The following RASA1 variants were observed in gnomAD, a reference collection of about 807,000 sequenced individuals.
The protein encoded by RASA1 is RAS p21 protein activator 1.
RASA1 carries 25 observed loss-of-function variants against 132.2 expected under a neutral mutation model. That is an observed-to-expected ratio of 0.19 (90% CI 0.14 to 0.26). The LOEUF (loss-of-function observed/expected upper bound fraction) is 0.26. Among genes scored for constraint, RASA1 ranks in the 10% least tolerant of loss-of-function variants. RASA1 has a pLI of 1.00. For synonymous variants in RASA1, 477 were observed against 449.9 expected (o/e 1.06, Z -0.76); for missense variants, 964 against 1,299.2 (o/e 0.74, Z 3.97).
At chr5:87,351,783 G>A (rs952439666) in intron 8 of RASA1, among the ~76,000 whole-genome samples, 3 of 151,646 alleles carry the variant, frequency 2.0e-5, no homozygotes, top group African/African-American at 7.2e-5. Flanking sequence ...TATCTGATTG[G>A]TTGCCACACA....
At chr5:87,308,199 A>G (rs1380756433) in intron 1 of RASA1, among the ~76,000 whole-genome samples, 2 of 151,794 alleles carry the variant, frequency 1.3e-5, no homozygotes, top group African/African-American at 4.8e-5. Flanking sequence ...CTGAGAATTC[A>G]TGCAAAAGAC....
intron 8 of RASA1, among the ~76,000 whole-genome samples, chr5:87,351,164 C>T (rs1355216757): frequency 2.0e-5 from 3 of 150,652 alleles, no homozygotes; most frequent in Non-Finnish European, 4.4e-5. Flanking sequence ...CTTTAATGTT[C>T]CTATATTCAG....
intron 22 of RASA1, among the ~76,000 whole-genome samples, chr5:87,385,851 A>G (rs141516104): frequency 1.3e-5 from 2 of 152,050 alleles, no homozygotes; most frequent in Non-Finnish European, 2.9e-5. Flanking sequence ...TTCTTGCCAT[A>G]TGTGGAAATA....
At chr5:87,374,717 G>A (rs1431605585) in intron 14 of RASA1, 123 bp from the exon 15 acceptor site, 1 of 1,392,826 alleles carries the variant, frequency 7.2e-7, no homozygotes, top group South Asian at 1.3e-5. Flanking sequence ...CTGGTTTTAG[G>A]TCTAGCACAC....
chr5:87,383,170 C>T (rs1403566677), intron 20 of RASA1, among the ~76,000 whole-genome samples: 3 of 152,112 alleles, frequency 2.0e-5, no homozygotes, highest in African/African-American at 7.2e-5. Flanking sequence ...ATCAATAAGT[C>T]ACTTTTTCTC....
intron 7 of RASA1, among the ~76,000 whole-genome samples, chr5:87,347,985 G>T (rs1017170738): frequency 5.9e-5 from 9 of 151,914 alleles, no homozygotes; most frequent in African/African-American, 1.9e-4. Flanking sequence ...GCTCTTTTGA[G>T]GATCTGGTGG....
intron 1 of RASA1, among the ~76,000 whole-genome samples, chr5:87,318,016 A>T (rs1756480203): frequency 1.3e-5 from 2 of 151,954 alleles, no homozygotes; most frequent in Admixed American, 6.6e-5. Context: ...TTTATAATAG[A>T]TAGTTGTAAT....
At chr5:87,339,590 C>G (rs1164852504) in intron 5 of RASA1, among the ~76,000 whole-genome samples, 1 of 151,902 alleles carries the variant, frequency 6.6e-6, no homozygotes, top group African/African-American at 2.4e-5. Flanking sequence ...AACAAGATAA[C>G]CTTTAAAGAA....
chr5:87,331,604 TAGAG>T, intron 2 of RASA1, 104 bp downstream of exon 2: 1 of 1,256,274 alleles, frequency 8.0e-7, no homozygotes, highest in Non-Finnish European at 1.1e-6. Context: ...TAACAAATAA[TAGAG>T]AAGGAAGCTT....
intron 1 of RASA1, among the ~76,000 whole-genome samples, chr5:87,308,306 T>A (rs757115623): frequency 3.3e-5 from 5 of 151,996 alleles, no homozygotes; most frequent in Non-Finnish European, 7.4e-5. Context: ...AGTGGCAGAG[T>A]GGCTGCTGAA....
chr5:87,303,822 T>C (rs530084853), intron 1 of RASA1, among the ~76,000 whole-genome samples: 1 of 151,764 alleles, frequency 6.6e-6, no homozygotes, highest in South Asian at 2.1e-4. Context: ...ATGTCTGTTA[T>C]CTTTGATACT....
chr5:87,365,861 T>C (rs770173289), intron 11 of RASA1, among the ~76,000 whole-genome samples: 4 of 152,114 alleles, frequency 2.6e-5, no homozygotes, highest in Non-Finnish European at 4.4e-5. Flanking sequence ...CATTTAAAGA[T>C]TTTATGTCAA....
intron 6 of RASA1, among the ~76,000 whole-genome samples, chr5:87,344,171 TAA>T (rs1465682954): frequency 1.3e-5 from 2 of 152,060 alleles, no homozygotes; most frequent in East Asian, 3.9e-4. Context: ...TAAAAATAAC[TAA>T]AAGAGTGGAA....
At chr5:87,311,656 C>T (rs1212096076) in intron 1 of RASA1, among the ~76,000 whole-genome samples, 2 of 152,142 alleles carry the variant, frequency 1.3e-5, no homozygotes, top group African/African-American at 4.8e-5. Flanking sequence ...CAACACGTGT[C>T]AAGTATTGCC....
chr5:87,385,436 T>G, intron 22 of RASA1, 47 bp downstream of exon 22: 1 of 1,387,212 alleles, frequency 7.2e-7, no homozygotes, highest in Non-Finnish European at 1.0e-6. Flanking sequence ...AATGCAAGTT[T>G]GACATGATAA....
At chr5:87,381,216 A>C (rs1761691270) in intron 20 of RASA1, among the ~76,000 whole-genome samples, 1 of 152,176 alleles carries the variant, frequency 6.6e-6, no homozygotes, top group Admixed American at 6.5e-5. Context: ...TCCAATGAAG[A>C]AGCAGATCTG....
At chr5:87,309,036 T>TTA (rs1441784797) in intron 1 of RASA1, among the ~76,000 whole-genome samples, 2 of 152,130 alleles carry the variant, frequency 1.3e-5, no homozygotes, top group Non-Finnish European at 2.9e-5. Flanking sequence ...ATACAACATA[T>TTA]TAAAAAAGGT....
At chr5:87,362,817 C>T in intron 10 of RASA1, 146 bp downstream of exon 10, 1 of 897,426 alleles carries the variant, frequency 1.1e-6, no homozygotes, top group Non-Finnish European at 1.7e-6. Flanking sequence ...AAGCATTCTT[C>T]AAAATTTAGA....
At position 87,267,925 on chromosome 5, in the gene RASA1, C is replaced by T. The variant is rs575395350; in HGVS notation, c.-527C>T. The T allele has an allele frequency of 1.5e-5, 6 of 393,420 alleles. No homozygotes were observed. Among genetic ancestry groups the T allele is most frequent in the Non-Finnish European group, 2.7e-5 (6 of 224,174 alleles). 24.4% of individuals were successfully genotyped at this position (393,420 alleles called of 1,614,324 possible). ...GGTAGTGAGCAGTTCAGTCGATTTC[C>T]TCGTTACCCCGCCCCCCTTTCTCTT... On this transcript the variant is annotated 5_prime_UTR_variant, in exon 1 of 25. Transcript: ENST00000274376.
Sources: allele counts gnomAD v4.1 joint callset (sites outside exome capture counted in the v4.1 genomes callset), GRCh38; gene constraint gnomAD v4.1.1; transcripts MANE v1.5; gene names NCBI Gene and HGNC (gene_info 2026-07-23, HGNC 2026-07-21).